KIAA0753: variants seen among roughly 807,000 people sequenced by gnomAD.
The protein encoded by KIAA0753 is KIAA0753, also known as protein moonraker.
A neutral mutation model predicts 116.9 loss-of-function variants in KIAA0753; 114 were observed. The observed-to-expected ratio is 0.98, with a 90% CI of 0.84 to 1.14. The LOEUF (loss-of-function observed/expected upper bound fraction) is 1.14. Among genes scored for constraint, KIAA0753 ranks in the 50% most tolerant of loss-of-function variants. KIAA0753 has a pLI of 0.00. For missense variants in KIAA0753, 1,156 were observed against 1,172.4 expected (o/e 0.99, Z 0.20); for synonymous variants, 405 against 413.1 (o/e 0.98, Z 0.24).
At chr17:6,617,492 G>A (rs971141447) in intron 7 of KIAA0753, among the ~76,000 whole-genome samples, 3 of 152,164 alleles carry the variant, frequency 2.0e-5, no homozygotes, top group Non-Finnish European at 4.4e-5. Flanking sequence ...TTCTGGCCCA[G>A]AGCTCCTAAA....
At position 6,608,428 on chromosome 17, in the gene KIAA0753, A is replaced by G. The variant is rs1402271153; in HGVS notation, c.1749T>C (p.Asp583=). 3 of 1,564,896 alleles carry G rather than the reference A, an allele frequency of 1.9e-6. No individual in the cohort carries two copies. The highest frequency in any genetic ancestry group is 2.7e-5 in the African/African-American group (2 of 73,056). ...AWLKVKTSPR[D]ATKEPLQQED... is the part of the protein sequence containing the mutation. Reference sequence around the variant, plus strand: ...CTTGCTGGAGAGGCTCTTTTGTGGCATCTCTGGGGCTAGTTTTCACCTTTA... The same window carrying G: ...CTTGCTGGAGAGGCTCTTTTGTGGCGTCTCTGGGGCTAGTTTTCACCTTTA... Residue 583 remains aspartate (D), a synonymous_variant, in exon 10 of 19, where the codon GAT becomes GAC. Transcript: ENST00000361413.
rs562336330 is a variant in KIAA0753 at position 6,622,146 on chromosome 17, G to A, written c.1104+736C>T. On this transcript the variant is annotated intron_variant, in intron 6 of 18. Coordinates refer to ENST00000361413, the MANE Select transcript of KIAA0753 (RefSeq NM_014804.3). Reference sequence around the variant, plus strand: ...CTATTTGTGGATGAAAATGTATGGCGTAGGGGAACTAATACTAGCATGGGA... The same window carrying A: ...CTATTTGTGGATGAAAATGTATGGCATAGGGGAACTAATACTAGCATGGGA... 3.7e-4 allele frequency among the ~76,000 whole-genome samples: 57 copies of A among 152,300 alleles called. No homozygotes were observed. The South Asian group carries it at 0.011, about 28-fold the overall frequency.
rs1003879586 is a variant in KIAA0753, at chr17:6,589,825, A to C, written c.2740T>G (p.Ser914Ala). The change falls in exon 18 of 19, where the codon TCT (serine) becomes GCT (alanine). Residue 914 changes from serine (S) to alanine (A), a missense_variant. Coordinates refer to ENST00000361413, the MANE Select transcript of KIAA0753 (RefSeq NM_014804.3). ...SRFEQYLRII[S>A]HEAVGSFNPW... The stretch of plus-strand genomic sequence containing the variant: ...TTGAAGGAGCCTACAGCCTCATGAG[A>C]TATGATCCGAAGGTACTGCTCAAAA... 2.5e-6 allele frequency: 4 copies of C among 1,613,918 alleles called. No homozygotes were observed. Among genetic ancestry groups the C allele is most frequent in the Non-Finnish European group, 8.5e-7 (1 of 1,179,940 alleles).
In KIAA0753 at chr17:6,596,533, A is replaced by G. The variant is rs552219187; in HGVS notation, c.2173-190T>C. ...GTCAGTAAGTATCAAAAGCAATAACATCAGAATGATTTTTATCACAGTCAT... is the reference window on the plus strand; with the variant it reads ...GTCAGTAAGTATCAAAAGCAATAACGTCAGAATGATTTTTATCACAGTCAT... On this transcript the variant is annotated intron_variant, in intron 14 of 18. Coordinates refer to ENST00000361413, the MANE Select transcript of KIAA0753 (RefSeq NM_014804.3). Among the ~76,000 whole-genome samples, 5 of 152,386 alleles carry G rather than the reference A, an allele frequency of 3.3e-5. No individual in the cohort carries two copies. The South Asian group carries it at 1.0e-3, about 32-fold the overall frequency.
chr17:6,604,774 A>C (rs1970087761), intron 12 of KIAA0753, among the ~76,000 whole-genome samples: 1 of 152,066 alleles, frequency 6.6e-6, no homozygotes, highest in South Asian at 2.1e-4. Context: ...CAAGAGGCTA[A>C]CATCTGGGGA....
At chr17:6,615,099 A>C (rs1485641114) in intron 7 of KIAA0753, among the ~76,000 whole-genome samples, 1 of 151,242 alleles carries the variant, frequency 6.6e-6, no homozygotes, top group African/African-American at 2.4e-5. Context: ...ACGCCTGGCT[A>C]ATTTTTGTAT....
chr17:6,623,642 C>T (rs1035985631), intron 4 of KIAA0753, 71 bp from the exon 5 acceptor site: 10 of 1,543,646 alleles, frequency 6.5e-6, no homozygotes, highest in African/African-American at 5.6e-5. Flanking sequence ...AAGGATGCAT[C>T]GATATATCTC....
At position 6,580,439 on chromosome 17, in the gene KIAA0753, T is replaced by C. The variant is rs970633086; in HGVS notation, c.2787-575A>G. On this transcript the variant is annotated intron_variant, in intron 18 of 18. Transcript: ENST00000361413. ...ACACCATTCTCCTGCCTCAGCCTCC[T>C]GAGTAGCTGGGACTACAGGAGCCCG... 2.6e-5 allele frequency among the ~76,000 whole-genome samples: 4 copies of C among 151,562 alleles called. No individual in the cohort carries two copies. The East Asian group carries it at 8.1e-4, about 31-fold the overall frequency.
intron 16 of KIAA0753, among the ~76,000 whole-genome samples, chr17:6,591,903 C>T (rs1457125670): frequency 6.6e-6 from 1 of 152,260 alleles, no homozygotes; most frequent in African/African-American, 2.4e-5. Context: ...CAATGACAAA[C>T]TCTCTGCTTT....
intron 18 of KIAA0753, among the ~76,000 whole-genome samples, chr17:6,583,567 C>T (rs534562512): frequency 1.3e-5 from 2 of 152,166 alleles, no homozygotes; most frequent in Non-Finnish European, 2.9e-5. Context: ...GGGAATCACT[C>T]TGGATATTTT....
chr17:6,608,470 A>G lies in KIAA0753; in HGVS notation c.1713-6T>C. The G allele has an allele frequency of 6.8e-7, 1 of 1,463,030 alleles. No individual in the cohort carries two copies. The highest frequency in any genetic ancestry group is 9.2e-7 in the Non-Finnish European group (1 of 1,083,160). 90.6% of individuals were successfully genotyped at this position (1,463,030 alleles called of 1,614,324 possible). On this transcript the variant is annotated splice_polypyrimidine_tract_variant and splice_region_variant and intron_variant, in intron 9 of 18. Coordinates refer to ENST00000361413, the MANE Select transcript of KIAA0753 (RefSeq NM_014804.3). Reference sequence around the variant, plus strand: ...TCACCTTTAGCCATGCAGCACTGAAATAAATGGAAAAGCATACCTTTGTCA... The same window carrying G: ...TCACCTTTAGCCATGCAGCACTGAAGTAAATGGAAAAGCATACCTTTGTCA...
At position 6,635,126 on chromosome 17, in the gene KIAA0753, T is replaced by G; in HGVS notation, c.-23A>C. On this transcript the variant is annotated 5_prime_UTR_variant, in exon 2 of 19. Transcript: ENST00000361413. Reference sequence around the variant, plus strand: ...CATAATGTCAGGTAGTACAGAACAATAGTGACAGCCTTGTCATCCGGCAAC... The same window carrying G: ...CATAATGTCAGGTAGTACAGAACAAGAGTGACAGCCTTGTCATCCGGCAAC... 6.5e-7 allele frequency: 1 copy of G among 1,534,672 alleles called. No individual in the cohort carries two copies. The highest frequency in any genetic ancestry group is 1.1e-5 in the South Asian group (1 of 89,554).
In KIAA0753 at chr17:6,608,576, T is replaced by A. The variant is rs935039949; in HGVS notation, c.1713-112A>T. 4 of 502,654 alleles carry A rather than the reference T, an allele frequency of 8.0e-6. No homozygotes were observed. In the East Asian group the frequency reaches 9.6e-5, roughly 12 times the overall value. 31.1% of individuals were successfully genotyped at this position (502,654 alleles called of 1,614,324 possible). On this transcript the variant is annotated intron_variant, in intron 9 of 18. Transcript: ENST00000361413. ...ACAGCATTAAATTAATGGTGATCTG[T>A]AGCACGGGGCCCTACAGTAGAAGCT...
At chr17:6,593,694 G>A (rs1430227426) in intron 16 of KIAA0753, among the ~76,000 whole-genome samples, 1 of 152,250 alleles carries the variant, frequency 6.6e-6, no homozygotes, top group Non-Finnish European at 1.5e-5. Context: ...GCGAAACCCT[G>A]GCCAACATGG....
At chr17:6,607,361 C>T (rs1597518114) in intron 10 of KIAA0753, 91 bp from the exon 11 acceptor site, 2 of 957,612 alleles carry the variant, frequency 2.1e-6, no homozygotes, top group East Asian at 4.8e-5. Context: ...AGGACCACTG[C>T]AGAGCAGAGC....
At position 6,626,978 on chromosome 17, in the gene KIAA0753, A is replaced by G. The variant is rs60322993; in HGVS notation, c.718+1139T>C. On this transcript the variant is annotated intron_variant, in intron 3 of 18. Transcript: ENST00000361413. Reference sequence around the variant, plus strand: ...ATGCCACAGGCTGACACTAAGGAATATCAAGAGAAACAAGCCACAACATTT... The same window carrying G: ...ATGCCACAGGCTGACACTAAGGAATGTCAAGAGAAACAAGCCACAACATTT... 3.9e-4 allele frequency among the ~76,000 whole-genome samples: 60 copies of G among 152,350 alleles called. 1 individual carries two copies. Among genetic ancestry groups the G allele is most frequent in the African/African-American group, 1.4e-3 (58 of 41,586 alleles).
intron 12 of KIAA0753, among the ~76,000 whole-genome samples, chr17:6,605,730 C>G (rs1399040892): frequency 1.3e-5 from 2 of 151,966 alleles, no homozygotes; most frequent in African/African-American, 2.4e-5. Context: ...GGGGATGCAA[C>G]TGAGGAGGGA....
intron 8 of KIAA0753, 134 bp from the exon 9 acceptor site, chr17:6,610,294 T>C (rs958066614): frequency 1.4e-6 from 1 of 708,812 alleles, no homozygotes; most frequent in Admixed American, 3.8e-5. Flanking sequence ...TAGAAAGCAC[T>C]GTGGCAGAAA....
At chr17:6,615,637 A>AC (rs1350649445) in intron 7 of KIAA0753, among the ~76,000 whole-genome samples, 9 of 150,670 alleles carry the variant, frequency 6.0e-5, no homozygotes, top group African/African-American at 2.0e-4. Context: ...AAAAAAAAAA[A>AC]AAAAACCTAA....
Sources: allele counts gnomAD v4.1 joint callset (sites outside exome capture counted in the v4.1 genomes callset), GRCh38; gene constraint gnomAD v4.1.1; transcripts MANE v1.5; gene names NCBI Gene and HGNC (gene_info 2026-07-23, HGNC 2026-07-21).